Variants in SH3RF1 observed in about 807,000 individuals in gnomAD.
The protein encoded by SH3RF1 is E3 ubiquitin-protein ligase SH3RF1.
In SH3RF1, 32 loss-of-function variants were observed where a neutral mutation model predicts 74.0. The observed-to-expected ratio is 0.43, with a 90% CI of 0.33 to 0.58. The LOEUF is 0.58. Among genes scored for constraint, SH3RF1 ranks in the 20% least tolerant of loss-of-function variants. The pLI, the probability that SH3RF1 is intolerant of heterozygous loss-of-function variation, is 0.05. For missense variants in SH3RF1, 954 were observed against 1,130.9 expected, an observed-to-expected ratio of 0.84 and a Z score of 2.24; for synonymous variants, 396 against 439.6, an observed-to-expected ratio of 0.90 and a Z score of 1.24.
chr4:169,122,316 T>A (rs1733454806), intron 6 of SH3RF1, 50 bp from the exon 7 acceptor site: 3 of 1,520,344 alleles, frequency 2.0e-6, no homozygotes, highest in East Asian at 4.9e-5. Flanking sequence ...AACAAAATAC[T>A]GATTTACATC....
intron 11 of SH3RF1, among the ~76,000 whole-genome samples, chr4:169,105,082 G>A (rs1023448585): frequency 6.6e-6 from 1 of 152,010 alleles, no homozygotes; most frequent in African/African-American, 2.4e-5. Flanking sequence ...GAAATACAGA[G>A]GTAAGGTGAA....
In SH3RF1 at chr4:169,266,911, C is replaced by T. The variant is rs78000414; in HGVS notation, c.393+1909G>A. ...CATCCTCCCCCAGCAAAGTAACAGACATATTTCCTGTTCCATCCACCTCAA... is the reference window on the plus strand; with the variant it reads ...CATCCTCCCCCAGCAAAGTAACAGATATATTTCCTGTTCCATCCACCTCAA... On this transcript the variant is annotated intron_variant, in intron 2 of 11. Transcript: ENST00000284637. Among the ~76,000 whole-genome samples the T allele has an allele frequency of 8.7e-3, 1,325 of 152,320 alleles. 13 individuals are homozygous for T. Among genetic ancestry groups the T allele is most frequent in the African/African-American group, 0.03 (1,249 of 41,572 alleles).
In SH3RF1 at chr4:169,107,227, C is replaced by T. The variant is rs748060723; in HGVS notation, c.2140-22G>A. ...CTTTCTGGAAAAAAAAAATAATGAG[C>T]CTTAGTTGGAGAATGACAGTACTAT... On this transcript the variant is annotated intron_variant, in intron 10 of 11. Coordinates refer to ENST00000284637, the MANE Select transcript of SH3RF1 (RefSeq NM_020870.4). 4.6e-6 allele frequency: 7 copies of T among 1,513,696 alleles called. No homozygotes were observed. The Admixed American group carries it at 1.5e-4, about 33-fold the overall frequency. 93.8% of individuals were successfully genotyped at this position (1,513,696 alleles called of 1,614,324 possible). A position where few individuals can be genotyped will look rare whatever the true frequency, so the allele number is the denominator to read the frequency against.
At chr4:169,256,503 A>G (rs1433946326) in intron 2 of SH3RF1, among the ~76,000 whole-genome samples, 1 of 152,236 alleles carries the variant, frequency 6.6e-6, no homozygotes, top group East Asian at 1.9e-4. Flanking sequence ...CAGCTGTTTA[A>G]AACAGAACGA....
At chr4:169,100,714 T>A (rs1733006519) in intron 11 of SH3RF1, among the ~76,000 whole-genome samples, 1 of 152,204 alleles carries the variant, frequency 6.6e-6, no homozygotes, top group South Asian at 2.1e-4. Flanking sequence ...AGCTTTACAA[T>A]GCCTGTGAGC....
At chr4:169,219,632 G>T (rs912253446) in intron 2 of SH3RF1, among the ~76,000 whole-genome samples, 1 of 152,120 alleles carries the variant, frequency 6.6e-6, no homozygotes, top group Non-Finnish European at 1.5e-5. Flanking sequence ...CTACTGTTTT[G>T]TATTTCCTTC....
intron 2 of SH3RF1, among the ~76,000 whole-genome samples, chr4:169,225,004 A>C (rs2706730): frequency 6.6e-6 from 1 of 152,002 alleles, no homozygotes; most frequent in African/African-American, 2.4e-5. Context: ...TTGGGAAAGA[A>C]GAGAGACTAA....
intron 2 of SH3RF1, among the ~76,000 whole-genome samples, 194 bp downstream of exon 2, chr4:169,268,626 A>C (rs1731392857): frequency 6.6e-6 from 1 of 152,260 alleles, no homozygotes; most frequent in African/African-American, 2.4e-5. Context: ...TTTTCAAAAC[A>C]ATAAAATTTA....
intron 2 of SH3RF1, among the ~76,000 whole-genome samples, chr4:169,193,642 T>C (rs1338051663): frequency 6.6e-6 from 1 of 152,158 alleles, no homozygotes; most frequent in African/African-American, 2.4e-5. Context: ...ATTATTACAG[T>C]GCAGGTCCTG....
chr4:169,263,974 C>T (rs1373306674), intron 2 of SH3RF1, among the ~76,000 whole-genome samples: 1 of 152,112 alleles, frequency 6.6e-6, no homozygotes, highest in Non-Finnish European at 1.5e-5. Flanking sequence ...AAAGGTATTC[C>T]ATGACAGAAC....
chr4:169,141,647 T>C (rs1733787869), intron 4 of SH3RF1, among the ~76,000 whole-genome samples: 2 of 151,638 alleles, frequency 1.3e-5, no homozygotes, highest in Admixed American at 6.6e-5. Context: ...TACTTTTTTT[T>C]TTTTTTTGGA....
intron 4 of SH3RF1, among the ~76,000 whole-genome samples, chr4:169,143,793 C>T (rs1000639674): frequency 6.6e-6 from 1 of 152,190 alleles, no homozygotes; most frequent in African/African-American, 2.4e-5. Flanking sequence ...TAGCTCTTCA[C>T]TTATTTTCAT....
At chr4:169,135,769 A>C (rs1288575821) in intron 5 of SH3RF1, among the ~76,000 whole-genome samples, 2 of 152,230 alleles carry the variant, frequency 1.3e-5, no homozygotes, top group Non-Finnish European at 2.9e-5. Context: ...TATTTTTTAC[A>C]TACCAGTCCA....
rs566184444 is a variant in SH3RF1, at chr4:169,267,775, C to T, written c.393+1045G>A. ...GCGAATTATGGGAACTAATGCTATC[C>T]CAATGGGCAGTTCCTGTATTAAATG... On this transcript the variant is annotated intron_variant, in intron 2 of 11. Coordinates refer to ENST00000284637, the MANE Select transcript of SH3RF1 (RefSeq NM_020870.4). Among the ~76,000 whole-genome samples, 6 of 152,188 alleles carry T rather than the reference C, an allele frequency of 3.9e-5. No homozygotes were observed. The South Asian group carries it at 1.2e-3, about 32-fold the overall frequency.
intron 2 of SH3RF1, among the ~76,000 whole-genome samples, chr4:169,204,646 G>T (rs1480412434): frequency 6.6e-6 from 1 of 150,638 alleles, no homozygotes; most frequent in Admixed American, 6.7e-5. Flanking sequence ...TGCCTCCTGG[G>T]TTTGAGTGAT....
chr4:169,243,717 T>C (rs1561062948), intron 2 of SH3RF1, among the ~76,000 whole-genome samples: 1 of 152,210 alleles, frequency 6.6e-6, no homozygotes. Context: ...CTCAACAGAT[T>C]CTTGCACTGG....
Position 169,232,738 on chromosome 4 carries a change from G to A in SH3RF1, c.393+36082C>T, listed in dbSNP as rs912468536. ...TTGATTGGGTAAATTTTGATAAACT[G>A]TACTTTAATCCTGAAAAATGGCTGC... On this transcript the variant is annotated intron_variant, in intron 2 of 11. Transcript: ENST00000284637. 4.6e-5 allele frequency among the ~76,000 whole-genome samples: 7 copies of A among 152,204 alleles called. No individual in the cohort carries two copies. In the South Asian group the frequency reaches 6.2e-4, roughly 14 times the overall value.
At chr4:169,119,421 C>T (rs1406077574) in intron 8 of SH3RF1, among the ~76,000 whole-genome samples, 2 of 151,442 alleles carry the variant, frequency 1.3e-5, no homozygotes, top group East Asian at 3.9e-4. Context: ...AGCCACTGCA[C>T]CCGGCTATAC....
intron 2 of SH3RF1, among the ~76,000 whole-genome samples, chr4:169,207,581 T>G (rs1018608473): frequency 6.6e-6 from 1 of 152,220 alleles, no homozygotes; most frequent in East Asian, 1.9e-4. Flanking sequence ...TAAGAAGAAC[T>G]GCCAAGACTA....
Sources: gnomAD v4.1 joint callset for allele counts (sites outside exome capture counted in the v4.1 genomes callset) on GRCh38, gnomAD v4.1.1 for gene constraint, MANE v1.5 for transcripts, NCBI Gene and HGNC (gene_info 2026-07-23, HGNC 2026-07-21) for gene names.